Variants in MFN2 observed in about 807,000 individuals in gnomAD.
MFN2 encodes the protein mitofusin-2.
Under a neutral mutation model 87.5 loss-of-function variants are expected in MFN2, and 43 were observed. The ratio of observed to expected loss-of-function variants is 0.49; its 90% CI spans 0.38 to 0.63. The LOEUF (loss-of-function observed/expected upper bound fraction) is 0.63, where lower values mean the gene tolerates loss of function less well. MFN2 is among the 30% of genes least tolerant of loss of function. The pLI is 0.00. For missense variants in MFN2, 743 were observed against 972.8 expected (o/e 0.76, Z 3.14); for synonymous variants, 337 against 359.9 (o/e 0.94, Z 0.72).
intron 17 of MFN2, among the ~76,000 whole-genome samples, chr1:12,009,173 A>C (rs1434821131): frequency 6.6e-6 from 1 of 152,162 alleles, no homozygotes; most frequent in Non-Finnish European, 1.5e-5. Context: ...TCGGCTCGGC[A>C]TCAGAGGGAG....
chr1:11,990,959 A>G (rs1410881369), intron 3 of MFN2, among the ~76,000 whole-genome samples: 3 of 152,162 alleles, frequency 2.0e-5, no homozygotes, highest in African/African-American at 7.2e-5. Flanking sequence ...GGCCCTTGTC[A>G]TGCTTCAGAT....
intron 3 of MFN2, 42 bp from the exon 4 acceptor site, chr1:11,992,510 ACTC>A: frequency 6.2e-7 from 1 of 1,613,520 alleles, no homozygotes; most frequent in East Asian, 2.2e-5. Flanking sequence ...GGACTGTGGA[ACTC>A]CTCTGACCAC....
chr1:11,996,148 C>A lies in MFN2; in HGVS notation c.312-8C>A. The A allele has an allele frequency of 6.2e-7, 1 of 1,614,152 alleles. No homozygotes were observed. Among genetic ancestry groups the A allele is most frequent in the Non-Finnish European group, 8.5e-7 (1 of 1,180,030 alleles). ...GTGGCTTTGCTGACAGCTGTTACTT[C>A]CTTCTAGGACGAGCAATGGGAAGAG... On this transcript the variant is annotated splice_region_variant and splice_polypyrimidine_tract_variant and intron_variant, in intron 4 of 18. Coordinates refer to ENST00000235329, the MANE Select transcript of MFN2 (RefSeq NM_014874.4).
intron 2 of MFN2, among the ~76,000 whole-genome samples, chr1:11,985,826 CT>C (rs1402135821): frequency 6.6e-6 from 1 of 152,172 alleles, no homozygotes; most frequent in African/African-American, 2.4e-5. Flanking sequence ...CACATCCCCT[CT>C]TTCTCGAACA....
At chr1:11,998,406 G>C (rs921897575) in intron 6 of MFN2, among the ~76,000 whole-genome samples, 1 of 151,864 alleles carries the variant, frequency 6.6e-6, no homozygotes, top group South Asian at 2.1e-4. Flanking sequence ...AAATTAGCTG[G>C]GCATGGTGGT....
chr1:12,006,734 C>T (rs994078790), intron 16 of MFN2, 41 bp downstream of exon 16: 4 of 1,601,586 alleles, frequency 2.5e-6, no homozygotes, highest in Non-Finnish European at 3.4e-6. Context: ...GGGCGGAGGG[C>T]AGGTGGGCGG....
Position 11,982,039 on chromosome 1 carries a change from C to G in MFN2, c.-80C>G, listed in dbSNP as rs7538183. 1.3e-5 allele frequency: 2 copies of G among 151,088 alleles called. No individual in the cohort carries two copies. The highest frequency in any genetic ancestry group is 2.4e-5 in the African/African-American group (1 of 40,910). The allele number at this position is 151,088 out of a possible 1,614,324, so 9.4% of individuals were successfully genotyped here. ...ACCTGAGACAGGACAGAAGAGAACT[C>G]AGAATCTTTTTGTCTTTTGGACTTC... On this transcript the variant is annotated 5_prime_UTR_variant, in exon 2 of 19. Transcript: ENST00000235329.
intron 2 of MFN2, among the ~76,000 whole-genome samples, chr1:11,984,010 T>C (rs1003930971): frequency 5.9e-5 from 9 of 152,166 alleles, no homozygotes; most frequent in African/African-American, 2.2e-4. Flanking sequence ...AGCTGCAGGC[T>C]GGGTATTAGT....
At chr1:11,997,150 C>T (rs148613205) in intron 5 of MFN2, 147 bp from the exon 6 acceptor site, 2 of 1,234,152 alleles carry the variant, frequency 1.6e-6, no homozygotes, top group African/African-American at 3.0e-5. Flanking sequence ...ATTGACAACT[C>T]CCAGCTGTTA....
At chr1:11,988,810 C>T (rs1048752814) in intron 2 of MFN2, among the ~76,000 whole-genome samples, 9 of 152,032 alleles carry the variant, frequency 5.9e-5, no homozygotes, top group Non-Finnish European at 1.0e-4. Context: ...AAGTGATTCT[C>T]CTGTCTCAGC....
intron 2 of MFN2, among the ~76,000 whole-genome samples, chr1:11,984,378 G>T (rs2100788326): frequency 6.6e-6 from 1 of 152,314 alleles, no homozygotes; most frequent in Middle Eastern, 3.4e-3. Context: ...AGAGAGTCTT[G>T]TGATCTTGCT....
Position 11,991,780 on chromosome 1 carries a change from C to T in MFN2, c.176-775C>T, listed in dbSNP as rs566198569. Among the ~76,000 whole-genome samples the T allele has an allele frequency of 3.1e-3, 464 of 150,942 alleles. 2 individuals are homozygous for T. Among genetic ancestry groups the T allele is most frequent in the African/African-American group, 0.011 (439 of 41,146 alleles). ...TCTACTAAAAATACAAAAAATTAGC[C>T]GGGCGTAGTGGCGGGCGCCTGTAGT... On this transcript the variant is annotated intron_variant, in intron 3 of 18. Coordinates refer to ENST00000235329, the MANE Select transcript of MFN2 (RefSeq NM_014874.4).
At chr1:11,991,663 G>C (rs935758409) in intron 3 of MFN2, among the ~76,000 whole-genome samples, 6 of 152,110 alleles carry the variant, frequency 3.9e-5, no homozygotes, top group Admixed American at 3.3e-4. Context: ...GGTGGCTCAC[G>C]CCTGTGATCC....
At chr1:11,983,856 G>T (rs1638261531) in intron 2 of MFN2, among the ~76,000 whole-genome samples, 2 of 152,178 alleles carry the variant, frequency 1.3e-5, no homozygotes, top group Non-Finnish European at 2.9e-5. Flanking sequence ...ATGCCAAATG[G>T]GTGGAAAAGG....
chr1:11,998,546 T>C (rs1426860331), intron 6 of MFN2, among the ~76,000 whole-genome samples: 1 of 99,934 alleles, frequency 1.0e-5, no homozygotes, highest in Non-Finnish European at 2.2e-5. Context: ...AGACTCTATA[T>C]CCAAAAACAA....
intron 4 of MFN2, among the ~76,000 whole-genome samples, chr1:11,994,432 C>CA (rs1448632862): frequency 1.3e-5 from 2 of 151,538 alleles, no homozygotes; most frequent in African/African-American, 2.4e-5. Flanking sequence ...ACTAAAAATA[C>CA]AAAAAAAATT....
At chr1:11,992,298 G>A (rs1377196745) in intron 3 of MFN2, 10 of 537,142 alleles carry the variant, frequency 1.9e-5, no homozygotes, top group Admixed American at 1.6e-4. Flanking sequence ...ACCCAGAAAG[G>A]TTCTTTTGCT....
intron 4 of MFN2, among the ~76,000 whole-genome samples, chr1:11,995,734 C>T (rs987857507): frequency 2.0e-5 from 3 of 152,056 alleles, no homozygotes; most frequent in African/African-American, 4.8e-5. Context: ...TAAGGAGGAG[C>T]GTGATGGGAG....
chr1:11,991,414 T>G (rs1638669198), intron 3 of MFN2, among the ~76,000 whole-genome samples: 1 of 152,170 alleles, frequency 6.6e-6, no homozygotes, highest in South Asian at 2.1e-4. Flanking sequence ...CTGGGGGCAG[T>G]GCTGTCTAAG....
Sources: allele counts gnomAD v4.1 joint callset (sites outside exome capture counted in the v4.1 genomes callset), GRCh38; gene constraint gnomAD v4.1.1; transcripts MANE v1.5; gene names NCBI Gene and HGNC (gene_info 2026-07-23, HGNC 2026-07-21).